NRXN3: variants seen among roughly 807,000 people sequenced by gnomAD.
NRXN3 encodes the protein neurexin III.
NRXN3 carries 32 observed loss-of-function variants against 137.6 expected under a neutral mutation model. The ratio of observed to expected loss-of-function variants is 0.23; its 90% CI spans 0.18 to 0.31. The LOEUF (loss-of-function observed/expected upper bound fraction) is 0.31, where lower values mean the gene tolerates loss of function less well. NRXN3 is among the 10% of genes least tolerant of loss of function. The pLI, the probability that NRXN3 is intolerant of heterozygous loss-of-function variation, is 1.00. For missense variants in NRXN3, 1,574 were observed against 2,062.5 expected, an observed-to-expected ratio of 0.76 and a Z score of 4.59; for synonymous variants, 798 against 784.5, an observed-to-expected ratio of 1.02 and a Z score of -0.29.
intron 8 of NRXN3, among the ~76,000 whole-genome samples, chr14:78,791,719 C>T (rs2098805595): frequency 6.6e-6 from 1 of 152,088 alleles, no homozygotes; most frequent in Non-Finnish European, 1.5e-5. Context: ...TCTCTTTAAC[C>T]AGGCAGGGTG....
intron 6 of NRXN3, among the ~76,000 whole-genome samples, chr14:78,692,510 A>G (rs1335640570): frequency 6.6e-6 from 1 of 152,196 alleles, no homozygotes; most frequent in Non-Finnish European, 1.5e-5. Context: ...TCTTTCATGA[A>G]AAATCATAAC....
At chr14:79,490,536 A>G (rs750318163) in intron 16 of NRXN3, among the ~76,000 whole-genome samples, 11 of 152,186 alleles carry the variant, frequency 7.2e-5, no homozygotes, top group Non-Finnish European at 1.6e-4. Flanking sequence ...GAACTAGAGA[A>G]CATTATGTTA....
intron 16 of NRXN3, among the ~76,000 whole-genome samples, chr14:79,547,848 G>GT (rs2153744386): frequency 6.6e-6 from 1 of 152,186 alleles, no homozygotes; most frequent in African/African-American, 2.4e-5. Context: ...ATGGCCTATC[G>GT]TTTTGAATTT....
At chr14:78,835,243 G>A (rs143990912) in intron 10 of NRXN3, among the ~76,000 whole-genome samples, 43 of 152,286 alleles carry the variant, frequency 2.8e-4, no homozygotes, top group African/African-American at 9.6e-4. Context: ...GCTCAGCTCT[G>A]CTGATGACAG....
At chr14:78,888,057 A>G (rs74067160) in intron 10 of NRXN3, among the ~76,000 whole-genome samples, 3,164 of 152,186 alleles carry the variant, frequency 0.021, 106 homozygotes, top group African/African-American at 0.073. Flanking sequence ...TCAAATTGCA[A>G]TAGTCCTTTA....
At chr14:78,346,759 CA>C (rs1186199178) in intron 4 of NRXN3, among the ~76,000 whole-genome samples, 1 of 152,174 alleles carries the variant, frequency 6.6e-6, no homozygotes, top group African/African-American at 2.4e-5. Flanking sequence ...GTGGTTGAGA[CA>C]CAAACAGCTC....
intron 1 of NRXN3, among the ~76,000 whole-genome samples, chr14:78,200,059 C>T (rs1342079213): frequency 2.0e-5 from 3 of 152,198 alleles, no homozygotes; most frequent in Non-Finnish European, 4.4e-5. Flanking sequence ...TGGCATTCAA[C>T]AATCTCTGGC....
At chr14:78,623,058 C>G (rs1348632390) in intron 4 of NRXN3, among the ~76,000 whole-genome samples, 1 of 152,190 alleles carries the variant, frequency 6.6e-6, no homozygotes, top group Non-Finnish European at 1.5e-5. Flanking sequence ...TTGCGGATGG[C>G]TAAACTGAAG....
At chr14:79,480,112 G>A (rs114005521) in intron 16 of NRXN3, among the ~76,000 whole-genome samples, 28 of 152,190 alleles carry the variant, frequency 1.8e-4, no homozygotes, top group Admixed American at 3.9e-4. Context: ...TCTTCACAGC[G>A]ACCATGGCCT....
chr14:79,169,457 T>C (rs1169290742), intron 15 of NRXN3, among the ~76,000 whole-genome samples: 3 of 152,110 alleles, frequency 2.0e-5, no homozygotes, highest in Non-Finnish European at 4.4e-5. Flanking sequence ...AAGGTGCCTG[T>C]TTTACTCCAA....
At chr14:78,639,662 C>T (rs542649942) in intron 4 of NRXN3, among the ~76,000 whole-genome samples, 1 of 152,318 alleles carries the variant, frequency 6.6e-6, no homozygotes, top group Non-Finnish European at 1.5e-5. Context: ...CCTCATGCAG[C>T]TGCAGAATAT....
At chr14:79,775,955 C>T (rs940719227) in intron 19 of NRXN3, among the ~76,000 whole-genome samples, 2 of 152,118 alleles carry the variant, frequency 1.3e-5, no homozygotes, top group Admixed American at 1.3e-4. Context: ...GTCCCACATC[C>T]TAGCATGGAG....
intron 15 of NRXN3, among the ~76,000 whole-genome samples, chr14:79,170,960 G>C (rs2061720707): frequency 6.6e-6 from 1 of 151,990 alleles, no homozygotes; most frequent in African/African-American, 2.4e-5. Context: ...ACTTTTTCAA[G>C]GGGAAGAATA....
chr14:79,436,672 G>A (rs1208597269), intron 15 of NRXN3, among the ~76,000 whole-genome samples: 1 of 152,098 alleles, frequency 6.6e-6, no homozygotes, highest in African/African-American at 2.4e-5. Context: ...TGTTTTTATT[G>A]GGCAGGCAGC....
chr14:79,301,702 C>G (rs570135395), intron 15 of NRXN3, among the ~76,000 whole-genome samples: 1 of 151,608 alleles, frequency 6.6e-6, no homozygotes, highest in African/African-American at 2.4e-5. Flanking sequence ...AGATTAATAT[C>G]CAAGTGTGTG....
chr14:78,542,179 T>C (rs2153820777), intron 4 of NRXN3, among the ~76,000 whole-genome samples: 1 of 152,314 alleles, frequency 6.6e-6, no homozygotes, highest in Non-Finnish European at 1.5e-5. Context: ...CCAAACACTG[T>C]GCTGAGAGAA....
intron 15 of NRXN3, among the ~76,000 whole-genome samples, chr14:79,109,164 G>T (rs2053019116): frequency 6.6e-6 from 1 of 152,076 alleles, no homozygotes; most frequent in African/African-American, 2.4e-5. Flanking sequence ...TTTTTATGTT[G>T]TGTATTCAGA....
At chr14:79,533,231 G>A (rs73324277) in intron 16 of NRXN3, among the ~76,000 whole-genome samples, 41,159 of 151,968 alleles carry the variant, frequency 0.27, 6,425 homozygotes, top group African/African-American at 0.42. Context: ...TTCTCATGAT[G>A]CATGGCTAGT....
rs374317634 is a variant in NRXN3 at position 79,749,472 on chromosome 14, G to C, written c.4014+51535G>C. Among the ~76,000 whole-genome samples the C allele has an allele frequency of 1.3e-4, 19 of 148,782 alleles. 1 individual carries two copies. The East Asian group carries it at 1.6e-3, about 13-fold the overall frequency. ...TGTAGTGACAGGGTATTACTATGTTGCCCAGGCTTGTCTCAAACTCCTGGG... is the reference window on the plus strand; with the variant it reads ...TGTAGTGACAGGGTATTACTATGTTCCCCAGGCTTGTCTCAAACTCCTGGG... On this transcript the variant is annotated intron_variant, in intron 19 of 20. Transcript: ENST00000335750.
Sources: allele counts gnomAD v4.1 joint callset (sites outside exome capture counted in the v4.1 genomes callset), GRCh38; gene constraint gnomAD v4.1.1; transcripts MANE v1.5; gene names NCBI Gene and HGNC (gene_info 2026-07-23, HGNC 2026-07-21).